Variants in NFIB observed in about 807,000 individuals in gnomAD.
NFIB encodes nuclear factor I B, also known as nuclear factor 1 B-type.
NFIB carries 11 observed loss-of-function variants against 61.5 expected under a neutral mutation model. That is an observed-to-expected ratio of 0.18 (90% confidence interval 0.11 to 0.30). The LOEUF (loss-of-function observed/expected upper bound fraction) is 0.30, where lower values mean the gene tolerates loss of function less well. Among genes scored for constraint, NFIB ranks in the 10% least tolerant of loss-of-function variants. The probability of loss-of-function intolerance (pLI) is 1.00; values close to 1 mark genes in which losing one functional copy is unlikely to be tolerated. For missense variants in NFIB, 471 were observed against 608.9 expected, an observed-to-expected ratio of 0.77 and a Z score of 2.38; for synonymous variants, 260 against 216.5, an observed-to-expected ratio of 1.20 and a Z score of -1.76.
the NFIB span, among the ~76,000 whole-genome samples, chr9:14,448,312 TAA>T: frequency 1.3e-5 from 2 of 152,236 alleles, no homozygotes; most frequent in South Asian, 4.1e-4. Context: ...CATTCTTCAT[TAA>T]GTTTGTATCT....
At chr9:14,381,230 C>T (rs997076018) in intron 1 of NFIB, among the ~76,000 whole-genome samples, 1 of 151,866 alleles carries the variant, frequency 6.6e-6, no homozygotes, top group Non-Finnish European at 1.5e-5. Flanking sequence ...CTCCCTCTGT[C>T]GCCCAGGCTG....
chr9:14,192,847 T>C (rs1013958783), intron 2 of NFIB, among the ~76,000 whole-genome samples: 2 of 152,156 alleles, frequency 1.3e-5, no homozygotes, highest in African/African-American at 4.8e-5. Context: ...ATTCCTCCTA[T>C]TGGACTATCT....
At chr9:14,527,906 A>C in the NFIB span, among the ~76,000 whole-genome samples, 1 of 152,142 alleles carries the variant, frequency 6.6e-6, no homozygotes, top group Non-Finnish European at 1.5e-5. Context: ...TGGCTGGTAG[A>C]TTACCATAGG....
intron 10 of NFIB, among the ~76,000 whole-genome samples, chr9:14,089,040 A>G (rs1229493891): frequency 3.3e-5 from 5 of 152,146 alleles, no homozygotes; most frequent in African/African-American, 1.2e-4. Context: ...CATTTACAGG[A>G]GGCCACAAAG....
At chr9:14,215,436 A>G (rs1436348056) in intron 2 of NFIB, among the ~76,000 whole-genome samples, 1 of 152,160 alleles carries the variant, frequency 6.6e-6, no homozygotes, top group Non-Finnish European at 1.5e-5. Flanking sequence ...AAGTTTGAGT[A>G]TTTGGGGGTG....
intron 1 of NFIB, among the ~76,000 whole-genome samples, chr9:14,372,762 G>C (rs918593947): frequency 2.6e-5 from 4 of 152,160 alleles, no homozygotes; most frequent in Non-Finnish European, 4.4e-5. Flanking sequence ...CTTTGAGTTG[G>C]CTGGCTGTAG....
At chr9:14,463,650 T>C in the NFIB span, among the ~76,000 whole-genome samples, 1 of 100,898 alleles carries the variant, frequency 9.9e-6, no homozygotes, top group Non-Finnish European at 1.9e-5. Flanking sequence ...ACTGAAGTCA[T>C]TTGATTTTCT....
intron 2 of NFIB, among the ~76,000 whole-genome samples, chr9:14,260,471 A>G (rs977614434): frequency 1.4e-4 from 21 of 152,202 alleles, no homozygotes; most frequent in African/African-American, 4.6e-4. Flanking sequence ...GTCACTTTCT[A>G]AAGATTTACT....
chr9:14,118,696 AT>A (rs2038500170), intron 8 of NFIB, among the ~76,000 whole-genome samples: 1 of 151,720 alleles, frequency 6.6e-6, no homozygotes, highest in Non-Finnish European at 1.5e-5. Flanking sequence ...TTAGGAAAGG[AT>A]TATTCTACTT....
chr9:14,411,422 G>A, the NFIB span, among the ~76,000 whole-genome samples: 2 of 152,104 alleles, frequency 1.3e-5, no homozygotes, highest in Non-Finnish European at 2.9e-5. Flanking sequence ...GGCTCAGAGT[G>A]GCCAAGGAAT....
chr9:14,090,789 T>C (rs372700632), intron 10 of NFIB, among the ~76,000 whole-genome samples: 3 of 151,988 alleles, frequency 2.0e-5, no homozygotes, highest in South Asian at 2.1e-4. Flanking sequence ...CATTTGGAGA[T>C]TGCATGCTTT....
rs556490284 is a variant in NFIB, at chr9:14,313,637, C to A, written c.-126G>T. The A allele has an allele frequency of 1.3e-6, 2 of 1,559,202 alleles. No homozygotes were observed. The highest frequency in any genetic ancestry group is 1.4e-5 in the African/African-American group (1 of 73,378). ...CGATCAATCAGGACGGGGCTCTGCG[C>A]TGGATCACCGCAACTTCACAACAAA... On this transcript the variant is annotated 5_prime_UTR_variant, in exon 1 of 11. Coordinates refer to ENST00000380953, the MANE Select transcript of NFIB (RefSeq NM_001190737.2). This position sits in a 1 kb window ranked among gnomAD's most constrained non-coding sequence, Gnocchi z 4.5.
chr9:14,361,845 A>AG (rs959851552), intron 1 of NFIB: 1 of 152,228 alleles, frequency 6.6e-6, no homozygotes, highest in African/African-American at 2.4e-5. Context: ...AAATGTTTAT[A>AG]GGAAAGGCAA....
At chr9:14,436,957 A>G in the NFIB span, among the ~76,000 whole-genome samples, 1 of 152,140 alleles carries the variant, frequency 6.6e-6, no homozygotes, top group African/African-American at 2.4e-5. Context: ...TTTTCAAATG[A>G]GGTTGAAGTT....
rs547557824 is a variant in NFIB at position 14,289,739 on chromosome 9, G to C, written c.562+17250C>G. 2.0e-5 allele frequency among the ~76,000 whole-genome samples: 3 copies of C among 152,066 alleles called. No homozygotes were observed. The East Asian group carries it at 5.8e-4, about 29-fold the overall frequency. The stretch of plus-strand genomic sequence containing the variant: ...TTACCAGTGAAATGATTTTTTAAAT[G>C]ATGTGTCATTTTTAATGAATAAGAG... On this transcript the variant is annotated intron_variant, in intron 2 of 10. Coordinates refer to ENST00000380953, the MANE Select transcript of NFIB (RefSeq NM_001190737.2).
chr9:14,240,372 C>T (rs2054230339), intron 2 of NFIB, among the ~76,000 whole-genome samples: 1 of 152,132 alleles, frequency 6.6e-6, no homozygotes, highest in African/African-American at 2.4e-5. Flanking sequence ...ATGCATAATG[C>T]TTCCATTTTG....
chr9:14,149,123 G>C (rs1478928946), intron 5 of NFIB, among the ~76,000 whole-genome samples: 2 of 152,106 alleles, frequency 1.3e-5, no homozygotes, highest in African/African-American at 2.4e-5. Context: ...GCATTTCTAA[G>C]ACTTTGATAT....
the NFIB span, among the ~76,000 whole-genome samples, chr9:14,507,951 C>T: frequency 6.9e-6 from 1 of 144,444 alleles, no homozygotes; most frequent in Non-Finnish European, 1.5e-5. Context: ...CACACACAGA[C>T]ACAGACACAG....
chr9:14,183,664 C>G (rs1213355482), intron 2 of NFIB, among the ~76,000 whole-genome samples: 1 of 152,068 alleles, frequency 6.6e-6, no homozygotes, highest in African/African-American at 2.4e-5. Flanking sequence ...CTCGGCCTCC[C>G]AAAGTGCTGG....
Sources: allele counts gnomAD v4.1 joint callset (sites outside exome capture counted in the v4.1 genomes callset), GRCh38; gene constraint gnomAD v4.1.1; non-coding constraint Gnocchi (gnomAD v3.1); transcripts MANE v1.5; gene names NCBI Gene and HGNC (gene_info 2026-07-23, HGNC 2026-07-21).